FBXO36: variants seen among roughly 807,000 people sequenced by gnomAD.
The protein encoded by FBXO36 is F-box only protein 36.
Under a neutral mutation model 17.0 loss-of-function variants are expected in FBXO36, and 18 were observed. That is an observed-to-expected ratio of 1.06 (90% confidence interval 0.73 to 1.57). FBXO36 has a LOEUF of 1.57. Ranked by LOEUF, FBXO36 falls within the 40% of genes most tolerant of loss-of-function variation. The probability of loss-of-function intolerance (pLI) is 0.00; values close to 1 mark genes in which losing one functional copy is unlikely to be tolerated. For synonymous variants in FBXO36, 83 were observed against 85.3 expected (o/e 0.97, Z 0.15); for missense variants, 229 against 221.9 (o/e 1.03, Z -0.20).
At chr2:229,976,216 C>T in intron 1 of FBXO36, 25 bp from the exon 2 acceptor site, 2 of 1,529,934 alleles carry the variant, frequency 1.3e-6, no homozygotes, top group Non-Finnish European at 1.8e-6. Flanking sequence ...AATTTTAATT[C>T]ATATCACTTT....
At chr2:229,991,708 G>T (rs937731884) in intron 2 of FBXO36, among the ~76,000 whole-genome samples, 5 of 152,110 alleles carry the variant, frequency 3.3e-5, no homozygotes, top group Non-Finnish European at 5.9e-5. Context: ...TCTTATTGGG[G>T]TCTACTGCAT....
chr2:229,961,517 G>A (rs932910428), intron 1 of FBXO36, among the ~76,000 whole-genome samples: 7 of 152,046 alleles, frequency 4.6e-5, no homozygotes, highest in East Asian at 1.9e-4. Flanking sequence ...CTGGAACTAC[G>A]GGCGCATGCC....
chr2:229,978,545 C>T (rs187508885), intron 2 of FBXO36, among the ~76,000 whole-genome samples: 21 of 152,136 alleles, frequency 1.4e-4, no homozygotes, highest in Admixed American at 1.2e-3. Flanking sequence ...CGAGATCACG[C>T]CGTTGCACTC....
chr2:229,999,030 C>T (rs2077343185), intron 3 of FBXO36, among the ~76,000 whole-genome samples: 1 of 151,618 alleles, frequency 6.6e-6, no homozygotes, highest in Non-Finnish European at 1.5e-5. Context: ...TCTCGATCTC[C>T]TGACGTTGTG....
At chr2:229,939,839 T>C (rs1375073116) in intron 1 of FBXO36, among the ~76,000 whole-genome samples, 1 of 152,100 alleles carries the variant, frequency 6.6e-6, no homozygotes, top group Non-Finnish European at 1.5e-5. Flanking sequence ...CCCAGCACTT[T>C]GAGAGGCCAG....
At chr2:229,948,518 G>GAAAAAAAAA (rs59155537) in intron 1 of FBXO36, among the ~76,000 whole-genome samples, 1 of 129,294 alleles carries the variant, frequency 7.7e-6, no homozygotes, top group Non-Finnish European at 1.7e-5. Flanking sequence ...GGGCTTTAGA[G>GAAAAAAAAA]AAAAAAAAAA....
At chr2:229,990,117 CTCTCT>C (rs1201511651) in intron 2 of FBXO36, among the ~76,000 whole-genome samples, 1 of 151,814 alleles carries the variant, frequency 6.6e-6, no homozygotes, top group Non-Finnish European at 1.5e-5. Flanking sequence ...GTTTCTCTCT[CTCTCT>C]TAAGTTCTCT....
At chr2:229,951,990 GAAA>G (rs1258420961) in intron 1 of FBXO36, among the ~76,000 whole-genome samples, 1 of 151,454 alleles carries the variant, frequency 6.6e-6, no homozygotes, top group Admixed American at 6.6e-5. Context: ...ATAACTTGGT[GAAA>G]AAAAAATTTT....
intron 1 of FBXO36, among the ~76,000 whole-genome samples, chr2:229,972,477 G>C (rs1341349229): frequency 3.9e-5 from 6 of 152,058 alleles, no homozygotes; most frequent in Non-Finnish European, 5.9e-5. Context: ...TGACCTCCTG[G>C]CTTTTGGGGC....
intron 2 of FBXO36, among the ~76,000 whole-genome samples, chr2:229,980,595 G>A (rs188841449): frequency 1.5e-3 from 233 of 152,030 alleles, no homozygotes; most frequent in African/African-American, 5.1e-3. Flanking sequence ...CCCTGCCCTT[G>A]ATAAGAGATT....
chr2:229,988,849 T>TG (rs1209127332), intron 2 of FBXO36, among the ~76,000 whole-genome samples: 1 of 150,164 alleles, frequency 6.7e-6, no homozygotes, highest in African/African-American at 2.5e-5. Flanking sequence ...TTTTTGTTTT[T>TG]TTTTTTTTAC....
At chr2:229,974,230 T>C (rs148944074) in intron 1 of FBXO36, among the ~76,000 whole-genome samples, 18 of 152,254 alleles carry the variant, frequency 1.2e-4, no homozygotes, top group Non-Finnish European at 2.5e-4. Context: ...GCATCAGGCC[T>C]CCAAAGGAAC....
intron 1 of FBXO36, among the ~76,000 whole-genome samples, chr2:229,948,149 T>C (rs892830567): frequency 6.6e-6 from 1 of 151,892 alleles, no homozygotes; most frequent in Admixed American, 6.6e-5. Flanking sequence ...AAAAAAAAAA[T>C]TATGTTTTTA....
At chr2:229,966,102 T>C (rs890333436) in intron 1 of FBXO36, among the ~76,000 whole-genome samples, 10 of 152,172 alleles carry the variant, frequency 6.6e-5, no homozygotes, top group African/African-American at 1.9e-4. Flanking sequence ...CTCATTGTGG[T>C]TTTGATTTGT....
At chr2:229,946,988 G>A (rs575680721) in intron 1 of FBXO36, among the ~76,000 whole-genome samples, 45 of 152,176 alleles carry the variant, frequency 3.0e-4, no homozygotes, top group African/African-American at 1.0e-3. Flanking sequence ...CCAACATGGT[G>A]AAATCCCGTC....
At chr2:229,938,774 C>T (rs2076980675) in intron 1 of FBXO36, among the ~76,000 whole-genome samples, 1 of 122,158 alleles carries the variant, frequency 8.2e-6, no homozygotes, top group Non-Finnish European at 1.7e-5. Flanking sequence ...TTTTTTTTCC[C>T]CCGAGGCAGA....
chr2:229,948,941 A>G (rs1260029610), intron 1 of FBXO36, among the ~76,000 whole-genome samples: 3 of 152,058 alleles, frequency 2.0e-5, no homozygotes, highest in African/African-American at 7.2e-5. Context: ...TCAACTGATT[A>G]TCCTGCCTCA....
chr2:230,005,742 A>G (rs2077383958), intron 3 of FBXO36, among the ~76,000 whole-genome samples: 1 of 152,126 alleles, frequency 6.6e-6, no homozygotes, highest in African/African-American at 2.4e-5. Context: ...ATCTTCGTTC[A>G]TTGCAGCCTC....
chr2:229,999,124 ATT>A (rs1178050342), intron 3 of FBXO36, among the ~76,000 whole-genome samples: 9 of 108,004 alleles, frequency 8.3e-5, no homozygotes, highest in Admixed American at 3.1e-4. Context: ...AAGTAATGTA[ATT>A]TTTTTTTTTT....
Sources: gnomAD v4.1 joint callset for allele counts (sites outside exome capture counted in the v4.1 genomes callset) on GRCh38, gnomAD v4.1.1 for gene constraint, MANE v1.5 for transcripts, NCBI Gene and HGNC (gene_info 2026-07-23, HGNC 2026-07-21) for gene names.